Variants in EIF2AK3 observed in about 807,000 individuals in gnomAD.
The protein encoded by EIF2AK3 is eukaryotic translation initiation factor 2 alpha kinase 3.
In EIF2AK3, 50 loss-of-function variants were observed where a neutral mutation model predicts 113.5. The observed-to-expected ratio is 0.44, with a 90% CI of 0.35 to 0.56. The LOEUF (loss-of-function observed/expected upper bound fraction) is 0.56. Among genes scored for constraint, EIF2AK3 ranks in the 20% least tolerant of loss-of-function variants. EIF2AK3 has a pLI of 0.00. For missense variants in EIF2AK3, 1,185 were observed against 1,378.0 expected (o/e 0.86, Z 2.22); for synonymous variants, 448 against 495.4 (o/e 0.90, Z 1.27).
intron 1 of EIF2AK3, 90 bp from the exon 2 acceptor site, chr2:88,613,943 C>A: frequency 8.3e-7 from 1 of 1,203,190 alleles, no homozygotes; most frequent in Non-Finnish European, 1.2e-6. Context: ...CAGCCCATGT[C>A]CAGGCCTCTA....
chr2:88,593,996 A>G, intron 3 of EIF2AK3: 2 of 969,500 alleles, frequency 2.1e-6, no homozygotes, highest in Non-Finnish European at 2.5e-6. Flanking sequence ...TACAGATGAG[A>G]CTACCGAAGT....
At chr2:88,598,193 G>A (rs1675066206) in intron 2 of EIF2AK3, among the ~76,000 whole-genome samples, 1 of 151,814 alleles carries the variant, frequency 6.6e-6, no homozygotes, top group African/African-American at 2.4e-5. Context: ...AATATATGAG[G>A]GAAAAGGAAG....
At chr2:88,581,579 C>T (rs1284363813) in intron 10 of EIF2AK3, among the ~76,000 whole-genome samples, 1 of 152,124 alleles carries the variant, frequency 6.6e-6, no homozygotes, top group African/African-American at 2.4e-5. Context: ...TCTCCCAAAG[C>T]CTGAAATATT....
At chr2:88,570,767 C>G (rs929593349) in intron 14 of EIF2AK3, 107 bp downstream of exon 14, 33 of 1,428,436 alleles carry the variant, frequency 2.3e-5, no homozygotes, top group Non-Finnish European at 3.2e-5. Flanking sequence ...TCATAATTTT[C>G]AGACTTACTG....
chr2:88,565,486 C>G (rs1388022205), intron 14 of EIF2AK3, among the ~76,000 whole-genome samples: 1 of 151,884 alleles, frequency 6.6e-6, no homozygotes, highest in Non-Finnish European at 1.5e-5. Context: ...GGACCACAGG[C>G]ATACACCACC....
chr2:88,592,744 CA>C (rs1444469515), intron 4 of EIF2AK3, among the ~76,000 whole-genome samples: 2 of 134,454 alleles, frequency 1.5e-5, no homozygotes, highest in Non-Finnish European at 3.1e-5. Context: ...GCCTGGGCAA[CA>C]AGAGTGAAAC....
chr2:88,577,232 C>T (rs987329676), intron 11 of EIF2AK3, among the ~76,000 whole-genome samples: 2 of 152,108 alleles, frequency 1.3e-5, no homozygotes, highest in African/African-American at 2.4e-5. Flanking sequence ...ATCCACCTGC[C>T]TTGGCCTCCC....
chr2:88,589,109 T>C (rs1351287657), intron 6 of EIF2AK3, among the ~76,000 whole-genome samples: 1 of 152,184 alleles, frequency 6.6e-6, no homozygotes, highest in Admixed American at 6.6e-5. Context: ...CCATATGATA[T>C]TTCTCACTGA....
intron 15 of EIF2AK3, among the ~76,000 whole-genome samples, chr2:88,561,920 A>G (rs1673971997): frequency 6.6e-6 from 1 of 152,162 alleles, no homozygotes; most frequent in African/African-American, 2.4e-5. Flanking sequence ...GTTTATTTTG[A>G]GAGGAAAGAA....
intron 10 of EIF2AK3, among the ~76,000 whole-genome samples, chr2:88,582,026 C>T (rs558434532): frequency 6.6e-6 from 1 of 152,136 alleles, no homozygotes; most frequent in Non-Finnish European, 1.5e-5. Context: ...GATGGAAATG[C>T]GAGTGGCATC....
chr2:88,611,862 A>T (rs1675465064), intron 2 of EIF2AK3, among the ~76,000 whole-genome samples: 1 of 152,112 alleles, frequency 6.6e-6, no homozygotes, highest in Non-Finnish European at 1.5e-5. Flanking sequence ...TGACCTTGTG[A>T]TCCGCCCGCC....
At chr2:88,626,830 G>T (rs11680549) in intron 1 of EIF2AK3, 137 bp downstream of exon 1, 5 of 1,204,110 alleles carry the variant, frequency 4.2e-6, no homozygotes, top group Non-Finnish European at 5.7e-6. Context: ...CCCCGCGCTC[G>T]TCCCCAGGTC....
At chr2:88,627,636 C>G (rs1675907194), upstream of EIF2AK3, 1 of 229,160 alleles carries the variant, frequency 4.4e-6, no homozygotes, top group African/African-American at 2.3e-5. Context: ...AGGCCCGTCC[C>G]TCTTCCGGAC....
At chr2:88,591,135 G>T in intron 4 of EIF2AK3, 83 bp from the exon 5 acceptor site, 2 of 1,228,010 alleles carry the variant, frequency 1.6e-6, no homozygotes, top group Non-Finnish European at 2.4e-6. Context: ...GATTGAAGAA[G>T]CAAATACTAA....
chr2:88,627,151 C>T lies in EIF2AK3; in HGVS notation c.124G>A (p.Glu42Lys). The T allele has an allele frequency of 7.0e-7, 1 of 1,435,278 alleles. No individual in the cohort carries two copies. The highest frequency in any genetic ancestry group is 2.5e-4 in the Middle Eastern group (1 of 4,066). The allele number at this position is 1,435,278 out of a possible 1,614,324, so 88.9% of individuals were successfully genotyped here. ...GCCGCCCCGAGGCCGAACGCCGCCT[C>T]CGCCGTCGGCGCTGGGAGGCCACGG... ...RARGLPAPTA[E>K]AAFGLGAAAA... Residue 42 changes from glutamate to lysine, a missense_variant, in exon 1 of 17, where the codon GAG (glutamate) becomes AAG (lysine). By Grantham distance (56) the Glu-to-Lys change is moderately conservative (BLOSUM62 1). Transcript: ENST00000303236.
chr2:88,613,475 C>T (rs1037764107), intron 2 of EIF2AK3, among the ~76,000 whole-genome samples: 22 of 152,042 alleles, frequency 1.4e-4, no homozygotes, highest in African/African-American at 4.1e-4. Flanking sequence ...CAGATAGTAT[C>T]CTCAGCTGCT....
Position 88,570,901 on chromosome 2 carries a change from C to T in EIF2AK3, c.2958G>A (p.Gly986=). Residue 986 remains glycine (G), a synonymous_variant, in exon 14 of 17, where the codon GGG becomes GGA. Transcript: ENST00000303236. ...GCTCTGGGCTCATATACAGTTTGGT[C>T]CCTACTTGTCCTGTGTGTCTGGCAT... is the stretch of plus-strand genomic sequence containing the variant. The part of the protein sequence containing the change: ...PAYARHTGQV[G]TKLYMSPEQI... 1 of 1,614,112 alleles carries T rather than the reference C, an allele frequency of 6.2e-7. No homozygotes were observed. The highest frequency in any genetic ancestry group is 8.5e-7 in the Non-Finnish European group (1 of 1,180,012).
chr2:88,604,944 G>C (rs368447219), intron 2 of EIF2AK3, among the ~76,000 whole-genome samples: 1 of 152,230 alleles, frequency 6.6e-6, no homozygotes, highest in African/African-American at 2.4e-5. Context: ...CAAAGATCTC[G>C]GGTTGAGTCT....
At chr2:88,583,692 C>CT (rs1674650907) in intron 9 of EIF2AK3, 150 bp from the exon 10 acceptor site, 1 of 660,230 alleles carries the variant, frequency 1.5e-6, no homozygotes, top group African/African-American at 1.8e-5. Context: ...CAGCATTTTG[C>CT]TTTATTATAA....
Sources: allele counts gnomAD v4.1 joint callset (sites outside exome capture counted in the v4.1 genomes callset), GRCh38; gene constraint gnomAD v4.1.1; transcripts MANE v1.5; gene names NCBI Gene and HGNC (gene_info 2026-07-23, HGNC 2026-07-21).